ZC3H12D: variants seen among roughly 807,000 people sequenced by gnomAD.
ZC3H12D encodes probable ribonuclease ZC3H12D.
Under a neutral mutation model 24.2 loss-of-function variants are expected in ZC3H12D, and 11 were observed. That is an observed-to-expected ratio of 0.46 (90% CI 0.29 to 0.75). ZC3H12D has a LOEUF of 0.75. ZC3H12D is among the 30% of genes least tolerant of loss of function. The probability of loss-of-function intolerance (pLI) is 0.11; values close to 1 mark genes in which losing one functional copy is unlikely to be tolerated. For missense variants in ZC3H12D, 740 were observed against 767.7 expected (o/e 0.96, Z 0.43); for synonymous variants, 333 against 341.8 (o/e 0.97, Z 0.28).
intron 1 of ZC3H12D, among the ~76,000 whole-genome samples, chr6:149,482,291 G>GCA (rs1464290873): frequency 2.6e-5 from 4 of 152,256 alleles, no homozygotes; most frequent in African/African-American, 9.6e-5. Context: ...CCCTGGAGCC[G>GCA]CAGCCTTCCC....
In ZC3H12D at chr6:149,456,873, C is replaced by G. The variant is rs748544029; in HGVS notation, c.473G>C (p.Arg158Pro). The G allele has an allele frequency of 1.4e-5, 22 of 1,604,470 alleles. No individual in the cohort carries two copies. Among genetic ancestry groups the G allele is most frequent in the Non-Finnish European group, 1.7e-5 (20 of 1,178,962 alleles). Residue 158 changes from arginine (R) to proline (P), a missense_variant, in exon 4 of 6, where the codon CGG becomes CCG. By Grantham distance (103) the Arg-to-Pro change is moderately radical (BLOSUM62 -2). Transcript: ENST00000409806. This position sits in a 1 kb window ranked among gnomAD's most constrained non-coding sequence, Gnocchi z 4.3. ...CGGCGTGTACACCAGCACCGCCTGC[C>G]GCTCCAGCTCCGCCAGCACGTGCTG... ...REQHVLAELERQAVLVYTPSR... is the reference protein window; with the variant it reads ...REQHVLAELEPQAVLVYTPSR...
chr6:149,458,124 G>GTTTTTTTTTTTTTTTTTTTTTTTTTTTT (rs1562472740), intron 3 of ZC3H12D, among the ~76,000 whole-genome samples: 4 of 37,602 alleles, frequency 1.1e-4, no homozygotes, highest in African/African-American at 1.9e-4. Context: ...TTTTTTTTTC[G>GTTTTTTTTTTTTTTTTTTTTTTTTTTTT]TTTCTTTTTT....
Position 149,449,856 on chromosome 6 carries a change from A to C in ZC3H12D, c.*827T>G, listed in dbSNP as rs1775855187. ...TGATGGATGGCTAATAAAATATTGG[A>C]GATACTTAACCCTTAGCCAAACAGT... On this transcript the variant is annotated 3_prime_UTR_variant, in exon 6 of 6. Coordinates refer to ENST00000409806, the MANE Select transcript of ZC3H12D (RefSeq NM_207360.3). The C allele has an allele frequency of 1.3e-5, 2 of 152,080 alleles. No individual in the cohort carries two copies. Among genetic ancestry groups the C allele is most frequent in the African/African-American group, 2.4e-5 (1 of 41,356 alleles). 9.4% of individuals were successfully genotyped at this position (152,080 alleles called of 1,614,324 possible). A position where few individuals can be genotyped will look rare whatever the true frequency, so the allele number is the denominator to read the frequency against.
At position 149,456,966 on chromosome 6, in the gene ZC3H12D, A is replaced by G. The variant is rs1293311534; in HGVS notation, c.446-66T>C. The G allele has an allele frequency of 7.5e-6, 11 of 1,476,288 alleles. No individual in the cohort carries two copies. Among genetic ancestry groups the G allele is most frequent in the South Asian group, 7.2e-5 (6 of 83,036 alleles). The allele number at this position is 1,476,288 out of a possible 1,614,324, so 91.4% of individuals were successfully genotyped here. A position where few individuals can be genotyped will look rare whatever the true frequency, so the allele number is the denominator to read the frequency against. On this transcript the variant is annotated intron_variant, in intron 3 of 5. Transcript: ENST00000409806. This position sits in a 1 kb window ranked among gnomAD's most constrained non-coding sequence, Gnocchi z 4.3. ...GCACCGCCCCTGAGAACCACCCCCAACGCGAGGCCACCCGCTTCCCGGGCC... is the reference window on the plus strand; with the variant it reads ...GCACCGCCCCTGAGAACCACCCCCAGCGCGAGGCCACCCGCTTCCCGGGCC...
In ZC3H12D at chr6:149,452,391, C is replaced by T. The variant is rs1164103954; in HGVS notation, c.787+225G>A. On this transcript the variant is annotated intron_variant, in intron 5 of 5. Coordinates refer to ENST00000409806, the MANE Select transcript of ZC3H12D (RefSeq NM_207360.3). This position sits in a 1 kb window ranked among gnomAD's most constrained non-coding sequence, Gnocchi z 4.0. The stretch of plus-strand genomic sequence containing the variant: ...TTGCTGTGTGCATGACCCCTGCATC[C>T]GACCCTGGCATGGGATCCTGGCTCC... The T allele has an allele frequency of 3.8e-5, 18 of 479,562 alleles. No homozygotes were observed. Among genetic ancestry groups the T allele is most frequent in the Non-Finnish European group, 5.1e-5 (14 of 275,340 alleles). The allele number at this position is 479,562 out of a possible 1,614,324, so 29.7% of individuals were successfully genotyped here. A position where few individuals can be genotyped will look rare whatever the true frequency, so the allele number is the denominator to read the frequency against.
At chr6:149,453,533 CAGG>C (rs1383658526) in intron 4 of ZC3H12D, among the ~76,000 whole-genome samples, 3 of 152,022 alleles carry the variant, frequency 2.0e-5, no homozygotes, top group Admixed American at 6.6e-5. Context: ...GAGGCTGAGG[CAGG>C]AGAATTGCTT....
rs1775876328 is a variant in ZC3H12D at position 149,450,798 on chromosome 6, G to A, written c.1469C>T (p.Pro490Leu). 1 of 1,549,030 alleles carries A rather than the reference G, an allele frequency of 6.5e-7. No homozygotes were observed. The highest frequency in any genetic ancestry group is 1.4e-5 in the African/African-American group (1 of 73,178). The stretch of plus-strand genomic sequence containing the variant: ...CATCACGCGGTCCACCTGGTCACGC[G>A]GGAAGACGCTGTAGAGCGCGATGCG... ...RARIALYSVF[P>L]RDQVDRVMAA... The change falls in exon 6 of 6, where the codon CCG becomes CTG. Residue 490 changes from proline (P) to leucine (L), a missense_variant. Pro to Leu is a moderately conservative substitution (Grantham distance 98). Coordinates refer to ENST00000409806, the MANE Select transcript of ZC3H12D (RefSeq NM_207360.3).
At chr6:149,461,273 G>A (rs932359354) in intron 3 of ZC3H12D, among the ~76,000 whole-genome samples, 2 of 151,596 alleles carry the variant, frequency 1.3e-5, no homozygotes, top group Non-Finnish European at 2.9e-5. Flanking sequence ...CCCGGGAGGA[G>A]GAGGTTGCAG....
At chr6:149,457,015 G>T in intron 3 of ZC3H12D, 115 bp from the exon 4 acceptor site, 2 of 1,044,956 alleles carry the variant, frequency 1.9e-6, no homozygotes, top group Non-Finnish European at 2.7e-6. Context: ...TTTGAGGGGA[G>T]CGGGGAAAAA....
intron 2 of ZC3H12D, among the ~76,000 whole-genome samples, chr6:149,474,037 G>C (rs1342103356): frequency 6.6e-6 from 1 of 152,020 alleles, no homozygotes; most frequent in South Asian, 2.1e-4. Context: ...TATCCCAACC[G>C]TACAGATGGG....
chr6:149,464,322 G>A (rs1386584074), intron 2 of ZC3H12D, among the ~76,000 whole-genome samples: 3 of 152,192 alleles, frequency 2.0e-5, no homozygotes, highest in African/African-American at 7.2e-5. Context: ...CAGTCAGTGG[G>A]GTCAGTGGGG....
chr6:149,473,883 G>A (rs2115011765), intron 2 of ZC3H12D, among the ~76,000 whole-genome samples: 1 of 152,138 alleles, frequency 6.6e-6, no homozygotes, highest in South Asian at 2.1e-4. Context: ...ACTTGACCCA[G>A]GGCGCCTCCC....
At chr6:149,477,286 C>T (rs1287458634) in intron 1 of ZC3H12D, among the ~76,000 whole-genome samples, 13 of 152,262 alleles carry the variant, frequency 8.5e-5, no homozygotes, top group Admixed American at 8.5e-4. Flanking sequence ...CAGCCAGCCC[C>T]CTGGACAGAG....
intron 2 of ZC3H12D, among the ~76,000 whole-genome samples, chr6:149,468,435 C>T (rs950938475): frequency 2.0e-5 from 3 of 152,238 alleles, no homozygotes; most frequent in African/African-American, 7.2e-5. Flanking sequence ...ACCACTGCAT[C>T]TTTGACTATT....
At chr6:149,469,375 G>A (rs419562) in intron 2 of ZC3H12D, among the ~76,000 whole-genome samples, 54,313 of 151,696 alleles carry the variant, frequency 0.36, 10,245 homozygotes, top group African/African-American at 0.46. Context: ...GGGGAATGGC[G>A]TGAACCCGGG....
In ZC3H12D at chr6:149,456,616, G is replaced by GCCCCCC; in HGVS notation, c.680+44_680+49dup. On this transcript the variant is annotated intron_variant, in intron 4 of 5. Transcript: ENST00000409806. The surrounding 1 kb of genome is among the most constrained non-coding windows in gnomAD (Gnocchi z 4.3). The stretch of plus-strand genomic sequence containing the variant: ...AGGCGTGGCCACTGCCTCGACCCCG[G>GCCCCCC]CCCCCCGCCCCGCCGCCCCCCAGGG... 1 of 1,130,408 alleles carries GCCCCCC rather than the reference G, an allele frequency of 8.8e-7. No individual in the cohort carries two copies. Among genetic ancestry groups the GCCCCCC allele is most frequent in the Non-Finnish European group, 1.3e-6 (1 of 763,262 alleles). The allele number at this position is 1,130,408 out of a possible 1,614,324, so 70.0% of individuals were successfully genotyped here. A position where few individuals can be genotyped will look rare whatever the true frequency, so the allele number is the denominator to read the frequency against.
chr6:149,473,963 TC>T (rs1776288474), intron 2 of ZC3H12D, among the ~76,000 whole-genome samples: 1 of 152,160 alleles, frequency 6.6e-6, no homozygotes, highest in Admixed American at 6.5e-5. Context: ...CACTTGTTGA[TC>T]ACTTACTCTG....
intron 3 of ZC3H12D, among the ~76,000 whole-genome samples, chr6:149,457,914 C>T (rs1776009680): frequency 6.6e-6 from 1 of 152,036 alleles, no homozygotes. Context: ...AATAAAGACG[C>T]CACATATCTA....
chr6:149,455,227 C>G (rs7749764), intron 4 of ZC3H12D, among the ~76,000 whole-genome samples: 3,218 of 152,168 alleles, frequency 0.021, 114 homozygotes, highest in African/African-American at 0.074. Context: ...CAGCCGTGTG[C>G]AAGCAGCCTA....
Sources: gnomAD v4.1 joint callset for allele counts (sites outside exome capture counted in the v4.1 genomes callset) on GRCh38, gnomAD v4.1.1 for gene constraint, Gnocchi (gnomAD v3.1) non-coding constraint, MANE v1.5 for transcripts, NCBI Gene and HGNC (gene_info 2026-07-23, HGNC 2026-07-21) for gene names.